Variants in SIGLEC9 observed in about 807,000 individuals in gnomAD.
SIGLEC9 encodes the protein sialic acid-binding Ig-like lectin 9.
A neutral mutation model predicts 38.3 loss-of-function variants in SIGLEC9; 26 were observed. The observed-to-expected ratio is 0.68, with a 90% confidence interval of 0.50 to 0.94. The LOEUF is 0.94. SIGLEC9 is among the 40% of genes least tolerant of loss of function. The pLI is 0.00. For missense variants in SIGLEC9, 556 were observed against 585.7 expected, an observed-to-expected ratio of 0.95 and a Z score of 0.52; for synonymous variants, 236 against 248.0, an observed-to-expected ratio of 0.95 and a Z score of 0.45.
chr19:51,125,961 G>A, intron 2 of SIGLEC9, 86 bp downstream of exon 2: 1 of 1,591,318 alleles, frequency 6.3e-7, no homozygotes, highest in Non-Finnish European at 8.6e-7. Context: ...AATCTGGGCT[G>A]GTGGTGGGGT....
chr19:51,126,968 T>G (rs1450160553), intron 3 of SIGLEC9, 62 bp from the exon 4 acceptor site: 1 of 1,493,048 alleles, frequency 6.7e-7, no homozygotes. Context: ...AGTCTCTTTC[T>G]GTATCCTTCC....
upstream of SIGLEC9, among the ~76,000 whole-genome samples, chr19:51,124,272 A>C (rs775909448): frequency 6.6e-6 from 1 of 151,972 alleles, no homozygotes; most frequent in Non-Finnish European, 1.5e-5. Flanking sequence ...AACACATAGA[A>C]TCCTCACCTC....
At chr19:51,134,423 C>T (rs2092032822), downstream of SIGLEC9, among the ~76,000 whole-genome samples, 1 of 152,152 alleles carries the variant, frequency 6.6e-6, no homozygotes, top group African/African-American at 2.4e-5. Flanking sequence ...TCCCAAAGTG[C>T]TGGGATTACA....
At chr19:51,133,705 C>A (rs1033217565), downstream of SIGLEC9, among the ~76,000 whole-genome samples, 2 of 152,120 alleles carry the variant, frequency 1.3e-5, no homozygotes, top group Non-Finnish European at 2.9e-5. Flanking sequence ...GAATCATAAA[C>A]CTAAAAGTAA....
downstream of SIGLEC9, among the ~76,000 whole-genome samples, chr19:51,132,257 C>A (rs113768071): frequency 5.3e-5 from 8 of 152,314 alleles, 1 homozygote; most frequent in African/African-American, 1.9e-4. Flanking sequence ...AGACCCTCAC[C>A]AGAAGCAAAG....
At chr19:51,128,282 TA>T in intron 5 of SIGLEC9, 131 bp from the exon 6 acceptor site, 1 of 1,136,668 alleles carries the variant, frequency 8.8e-7, no homozygotes, top group Non-Finnish European at 1.3e-6. Context: ...TTGGGGTCTC[TA>T]AGACTGGACC....
chr19:51,128,026 G>A lies in SIGLEC9; in HGVS notation c.1093G>A (p.Val365Ile), dbSNP rs757055444. Reference sequence around the variant, plus strand: ...AGCCCTGGTCTTCCTGTCCTTCTGCGTCATCTTCGTTGTGTAAGCATGGAC... The same window carrying A: ...AGCCCTGGTCTTCCTGTCCTTCTGCATCATCTTCGTTGTGTAAGCATGGAC... ...ATALVFLSFC[V>I]IFVVVRSCRK... The change falls in exon 5 of 7, where the codon GTC becomes ATC. Residue 365 changes from valine to isoleucine, a missense_variant. Val to Ile is a conservative substitution (Grantham distance 29). Coordinates refer to ENST00000250360, the MANE Select transcript of SIGLEC9 (RefSeq NM_014441.3). The A allele has an allele frequency of 2.8e-5, 45 of 1,613,436 alleles. No homozygotes were observed. The highest frequency in any genetic ancestry group is 1.7e-4 in the African/African-American group (13 of 75,020).
chr19:51,121,687 A>G (rs935008275), upstream of SIGLEC9, among the ~76,000 whole-genome samples: 2 of 148,448 alleles, frequency 1.3e-5, no homozygotes, highest in African/African-American at 2.5e-5. Context: ...CCTTGGTTCA[A>G]GTGATTCTCC....
chr19:51,134,557 T>C (rs1240130308), downstream of SIGLEC9, among the ~76,000 whole-genome samples: 3 of 152,148 alleles, frequency 2.0e-5, no homozygotes, highest in Admixed American at 1.3e-4. Context: ...TTTTACTGTA[T>C]GTAAATTTAC....
downstream of SIGLEC9, among the ~76,000 whole-genome samples, chr19:51,131,062 C>T (rs2092012562): frequency 6.6e-6 from 1 of 152,160 alleles, no homozygotes; most frequent in Non-Finnish European, 1.5e-5. Flanking sequence ...GAATGAGAAA[C>T]GTTTCCAAAG....
chr19:51,135,406 G>A (rs528324916), intron 6 of SIGLEC9, among the ~76,000 whole-genome samples: 22 of 152,150 alleles, frequency 1.4e-4, no homozygotes, highest in South Asian at 1.2e-3. Context: ...TATAGGCCCC[G>A]AATGTCTTTG....
At chr19:51,125,996 C>G in intron 2 of SIGLEC9, 85 bp from the exon 3 acceptor site, 1 of 1,580,462 alleles carries the variant, frequency 6.3e-7, no homozygotes, top group Non-Finnish European at 8.7e-7. Flanking sequence ...CTCTGCCTTC[C>G]CTGTTTATGC....
downstream of SIGLEC9, among the ~76,000 whole-genome samples, chr19:51,130,874 G>C (rs1167032442): frequency 6.6e-5 from 10 of 152,178 alleles, no homozygotes; most frequent in Non-Finnish European, 1.5e-5. Flanking sequence ...AACATGCCCT[G>C]TTGGTTCATA....
exon 7 of SIGLEC9, chr19:51,136,147 T>C (rs1173699878): frequency 1.4e-6 from 1 of 703,712 alleles, no homozygotes; most frequent in Non-Finnish European, 2.6e-6. Flanking sequence ...TACTCTGGCT[T>C]TTGGATGTGT....
rs781025769 is a variant in SIGLEC9 at position 51,127,274 on chromosome 19, C to G, written c.993C>G (p.Val331=). 25 of 1,613,168 alleles carry G rather than the reference C, an allele frequency of 1.5e-5. 1 individual carries two copies. The South Asian group carries it at 2.7e-4, about 18-fold the overall frequency. Residue 331 remains valine, a synonymous_variant, in exon 4 of 7, where the codon GTC becomes GTG. Transcript: ENST00000250360. ...AGAACCCTCTCGGCTCTCAGCAGGTCTACCTGAACGTCTCCCTGCAGAGTG... is the reference window on the plus strand; with the variant it reads ...AGAACCCTCTCGGCTCTCAGCAGGTGTACCTGAACGTCTCCCTGCAGAGTG... The part of the protein sequence containing the change: ...RAQNPLGSQQ[V]YLNVSLQSKA...
At chr19:51,121,522 C>T (rs965817001), upstream of SIGLEC9, among the ~76,000 whole-genome samples, 4 of 151,984 alleles carry the variant, frequency 2.6e-5, no homozygotes, top group African/African-American at 9.7e-5. Flanking sequence ...CAATGTCTCC[C>T]GTCATGCCCT....
At chr19:51,130,650 C>T (rs1426922416), downstream of SIGLEC9, among the ~76,000 whole-genome samples, 1 of 152,216 alleles carries the variant, frequency 6.6e-6, no homozygotes, top group East Asian at 1.9e-4. Flanking sequence ...TGCTAGGCCG[C>T]CTTACTCTCT....
In SIGLEC9 at chr19:51,130,142, A is replaced by C; in HGVS notation, c.*63A>C. ...CCCCTCCAGGCAAGGGAGAAGTCAG[A>C]GGCTGATTCTTGTAGAATTAACAGC... On this transcript the variant is annotated 3_prime_UTR_variant, in exon 7 of 7. Coordinates refer to ENST00000250360, the MANE Select transcript of SIGLEC9 (RefSeq NM_014441.3). The C allele has an allele frequency of 4.6e-6, 7 of 1,526,448 alleles. No individual in the cohort carries two copies. The highest frequency in any genetic ancestry group is 6.2e-6 in the Non-Finnish European group (7 of 1,137,684). The allele number at this position is 1,526,448 out of a possible 1,614,324, so 94.6% of individuals were successfully genotyped here.
At chr19:51,131,938 A>C, downstream of SIGLEC9, among the ~76,000 whole-genome samples, 1 of 150,672 alleles carries the variant, frequency 6.6e-6, no homozygotes, top group Non-Finnish European at 1.5e-5. Context: ...AAAAAATCCT[A>C]TGCTATGGTT....
Sources: allele counts gnomAD v4.1 joint callset (sites outside exome capture counted in the v4.1 genomes callset), GRCh38; gene constraint gnomAD v4.1.1; transcripts MANE v1.5; gene names NCBI Gene and HGNC (gene_info 2026-07-23, HGNC 2026-07-21).